CCDC88C: variants seen among roughly 807,000 people sequenced by gnomAD.
CCDC88C encodes the protein coiled-coil and HOOK domain protein 88C, also known as protein Daple.
In CCDC88C, 131 loss-of-function variants were observed where a neutral mutation model predicts 198.8. The ratio of observed to expected loss-of-function variants is 0.66; its 90% confidence interval spans 0.57 to 0.76. CCDC88C has a LOEUF of 0.76. Ranked by LOEUF, CCDC88C falls within the 30% of genes least tolerant of loss-of-function variation. The pLI is 0.00. For missense variants in CCDC88C, 2,553 were observed against 2,631.6 expected, an observed-to-expected ratio of 0.97 and a Z score of 0.65; for synonymous variants, 1,166 against 1,114.7, an observed-to-expected ratio of 1.05 and a Z score of -0.92.
chr14:91,316,707 C>T (rs1279512809), intron 13 of CCDC88C, among the ~76,000 whole-genome samples: 2 of 152,196 alleles, frequency 1.3e-5, no homozygotes, highest in African/African-American at 4.8e-5. Context: ...CCACTGTGCC[C>T]GGCCAACCCT....
chr14:91,399,607 G>A (rs1886050813), intron 3 of CCDC88C, among the ~76,000 whole-genome samples: 1 of 152,174 alleles, frequency 6.6e-6, no homozygotes, highest in African/African-American at 2.4e-5. Flanking sequence ...GGAGGCCGAG[G>A]CAGGTGGATC....
In CCDC88C at chr14:91,352,431, T is replaced by C. The variant is rs547555084; in HGVS notation, c.340+7211A>G. ...ACCGCACGTGGACTGGAGCCCTCAT[T>C]TCCGGATCCAACAAGCAGCACAGAA... On this transcript the variant is annotated intron_variant, in intron 4 of 29. Transcript: ENST00000389857. The surrounding 1 kb of genome is among the most constrained non-coding windows in gnomAD (Gnocchi z 4.2). Among the ~76,000 whole-genome samples, 1 of 152,260 alleles carries C rather than the reference T, an allele frequency of 6.6e-6. No homozygotes were observed. The highest frequency in any genetic ancestry group is 2.1e-4 in the South Asian group (1 of 4,822).
At chr14:91,309,053 C>T (rs933734619) in intron 16 of CCDC88C, among the ~76,000 whole-genome samples, 25 of 152,094 alleles carry the variant, frequency 1.6e-4, no homozygotes, top group Non-Finnish European at 3.4e-4. Flanking sequence ...ATGGTGAAAC[C>T]CCGTCTCTAC....
At position 91,273,588 on chromosome 14, in the gene CCDC88C, G is replaced by C; in HGVS notation, c.5124C>G (p.Ala1708=). ...DYFRKASDPP[A]IGGQPGPPAK... ...CAGGTGGTCCTGGTTGGCCTCCGAT[G>C]GCTGGGGGATCGCTGGCCTTTCGGA... is the stretch of plus-strand genomic sequence containing the variant. The change falls in exon 30 of 30, where the codon GCC becomes GCG. Residue 1708 remains alanine, a synonymous_variant. Transcript: ENST00000389857. The surrounding 1 kb of genome is among the most constrained non-coding windows in gnomAD (Gnocchi z 5.6). The C allele has an allele frequency of 6.7e-7, 1 of 1,495,066 alleles. No homozygotes were observed. Among genetic ancestry groups the C allele is most frequent in the Non-Finnish European group, 8.9e-7 (1 of 1,121,342 alleles). The allele number at this position is 1,495,066 out of a possible 1,614,324, so 92.6% of individuals were successfully genotyped here.
chr14:91,379,735 G>A, intron 3 of CCDC88C: 1 of 671,558 alleles, frequency 1.5e-6, no homozygotes, highest in East Asian at 2.7e-5. Context: ...GCCTTCCATG[G>A]CCAGGCCTGG....
chr14:91,347,657 T>A (rs556711668), intron 4 of CCDC88C, among the ~76,000 whole-genome samples: 1 of 152,088 alleles, frequency 6.6e-6, no homozygotes, highest in East Asian at 1.9e-4. Context: ...CCAGTTAGAA[T>A]GGCGATCATT....
chr14:91,356,399 C>T (rs1481215444), intron 4 of CCDC88C, among the ~76,000 whole-genome samples: 1 of 152,164 alleles, frequency 6.6e-6, no homozygotes, highest in Non-Finnish European at 1.5e-5. Context: ...TCTGAGCCCT[C>T]GGTGATGGGT....
In CCDC88C at chr14:91,307,048, A is replaced by C; in HGVS notation, c.3185T>G (p.Leu1062Arg). The change falls in exon 18 of 30, where the codon CTG becomes CGG. Residue 1062 changes from leucine (L) to arginine (R), a missense_variant. Around this residue, in one of 2 missense-constraint regions of CCDC88C, gnomAD observed 1,260 missense variants for 1,412.0 expected, o/e 0.89. Transcript: ENST00000389857. ...LLRVKDRAIELERNNAALQAE... is the reference protein window; with the variant it reads ...LLRVKDRAIERERNNAALQAE... ...GGCCAGCCCACTCACATTCCGCTCC[A>C]GCTCGATGGCCCGGTCCTTCACTCG... The C allele has an allele frequency of 6.2e-7, 1 of 1,611,710 alleles. No individual in the cohort carries two copies. The highest frequency in any genetic ancestry group is 1.1e-5 in the South Asian group (1 of 90,806).
chr14:91,304,046 C>G, intron 19 of CCDC88C, 68 bp from the exon 20 acceptor site: 3 of 1,543,700 alleles, frequency 1.9e-6, no homozygotes, highest in Middle Eastern at 3.6e-4. Flanking sequence ...GGGAGCAGGT[C>G]AAGTGCTCGA....
At chr14:91,321,964 G>A (rs1455722935) in intron 12 of CCDC88C, among the ~76,000 whole-genome samples, 2 of 152,162 alleles carry the variant, frequency 1.3e-5, no homozygotes, top group Non-Finnish European at 2.9e-5. Flanking sequence ...AGGTGCAAAT[G>A]GAGAAGGGAA....
In CCDC88C at chr14:91,314,020, A is replaced by G; in HGVS notation, c.1796T>C (p.Val599Ala). The G allele has an allele frequency of 6.2e-7, 1 of 1,613,230 alleles. No individual in the cohort carries two copies. The highest frequency in any genetic ancestry group is 1.1e-5 in the South Asian group (1 of 91,024). ...EKENKALHQT[V>A]TEANGKLSQL... The stretch of plus-strand genomic sequence containing the variant: ...GCTGAGCTTGCCATTGGCCTCCGTC[A>G]CCGTCTGGTGGAGGGCTTTGTTCTC... Residue 599 changes from valine (V) to alanine (A), a missense_variant, in exon 15 of 30, where the codon GTG becomes GCG. Physicochemically the swap from Val to Ala is moderately conservative, Grantham distance 64 (BLOSUM62 0). Around this residue, in one of 2 missense-constraint regions of CCDC88C, gnomAD observed 1,260 missense variants for 1,412.0 expected, o/e 0.89. Transcript: ENST00000389857.
chr14:91,391,775 T>A (rs1452347600), intron 3 of CCDC88C, among the ~76,000 whole-genome samples: 1 of 152,008 alleles, frequency 6.6e-6, no homozygotes, highest in Non-Finnish European at 1.5e-5. Context: ...CAAGACTCCG[T>A]CTCAAAAAGA....
intron 12 of CCDC88C, among the ~76,000 whole-genome samples, chr14:91,324,225 G>T (rs1043316096): frequency 2.0e-5 from 3 of 152,226 alleles, no homozygotes; most frequent in African/African-American, 7.2e-5. Context: ...GGGGCAGTGG[G>T]CAGCAGAGCA....
chr14:91,289,411 C>A lies in CCDC88C; in HGVS notation c.4203-68G>T. The A allele has an allele frequency of 3.7e-6, 5 of 1,347,002 alleles. No individual in the cohort carries two copies. In the Middle Eastern group the frequency reaches 9.0e-4, roughly 241 times the overall value. 83.4% of individuals were successfully genotyped at this position (1,347,002 alleles called of 1,614,324 possible). On this transcript the variant is annotated intron_variant, in intron 24 of 29. Coordinates refer to ENST00000389857, the MANE Select transcript of CCDC88C (RefSeq NM_001080414.4). ...ACACCCCCAGTGGGTCCCTGGTTCC[C>A]TAACATGGGCTGGGATGTTCTTCCC...
intron 3 of CCDC88C, among the ~76,000 whole-genome samples, chr14:91,390,194 G>C (rs1329801755): frequency 6.6e-6 from 1 of 152,118 alleles, no homozygotes; most frequent in Non-Finnish European, 1.5e-5. Context: ...CTACTTTCAA[G>C]GCGGGGCTGG....
chr14:91,330,584 G>T (rs1320695991), intron 10 of CCDC88C, among the ~76,000 whole-genome samples: 1 of 152,178 alleles, frequency 6.6e-6, no homozygotes, highest in Non-Finnish European at 1.5e-5. Flanking sequence ...TGGGAGGTGA[G>T]AAACAGGCTT....
At chr14:91,364,999 C>T (rs899976292) in intron 3 of CCDC88C, among the ~76,000 whole-genome samples, 5 of 152,176 alleles carry the variant, frequency 3.3e-5, no homozygotes, top group Non-Finnish European at 5.9e-5. Context: ...CAGATCGTAG[C>T]GGCGCCTGGT....
intron 29 of CCDC88C, among the ~76,000 whole-genome samples, chr14:91,277,515 C>T (rs1890015100): frequency 6.6e-6 from 1 of 152,178 alleles, no homozygotes. Context: ...GACTGTGAGA[C>T]CCAGAAAGCC....
chr14:91,312,091 T>C (rs943083206), intron 15 of CCDC88C, among the ~76,000 whole-genome samples: 5 of 152,246 alleles, frequency 3.3e-5, no homozygotes, highest in African/African-American at 1.2e-4. Context: ...AGTAAACCTA[T>C]AGGATTAAAT....
Sources: allele counts gnomAD v4.1 joint callset (sites outside exome capture counted in the v4.1 genomes callset), GRCh38; gene constraint gnomAD v4.1.1; regional missense constraint gnomAD v4.1.1; non-coding constraint Gnocchi (gnomAD v3.1); transcripts MANE v1.5; gene names NCBI Gene and HGNC (gene_info 2026-07-23, HGNC 2026-07-21).